The following CHODL variants were observed in gnomAD, a reference collection of about 807,000 sequenced individuals.
CHODL encodes the protein transmembrane protein MT75.
Under a neutral mutation model 34.5 loss-of-function variants are expected in CHODL, and 29 were observed. The observed-to-expected ratio is 0.84, with a 90% confidence interval of 0.63 to 1.15. The LOEUF (loss-of-function observed/expected upper bound fraction) is 1.15. Among genes scored for constraint, CHODL ranks in the 50% most tolerant of loss-of-function variants. The pLI is 0.00. For missense variants in CHODL, 332 were observed against 332.5 expected, an observed-to-expected ratio of 1.00 and a Z score of 0.01; for synonymous variants, 125 against 116.1, an observed-to-expected ratio of 1.08 and a Z score of -0.49.
chr21:18,262,405 A>G (rs1479288954), intron 4 of CHODL, among the ~76,000 whole-genome samples: 2 of 152,196 alleles, frequency 1.3e-5, no homozygotes, highest in African/African-American at 4.8e-5. Context: ...TATTACTTCT[A>G]GGCTACAAAC....
intron 2 of CHODL, among the ~76,000 whole-genome samples, chr21:18,155,832 T>C (rs17002409): frequency 0.03 from 4,495 of 152,254 alleles, 216 homozygotes; most frequent in African/African-American, 0.1. Flanking sequence ...TTAATTCTAG[T>C]CTTTTGCAGT....
chr21:18,003,053 G>A (rs1204354544), intron 1 of CHODL, among the ~76,000 whole-genome samples: 3 of 151,494 alleles, frequency 2.0e-5, no homozygotes, highest in Non-Finnish European at 2.9e-5. Flanking sequence ...AACCCCGGGG[G>A]GCGGAGTGTG....
rs150956168 is a variant in CHODL at position 18,158,404 on chromosome 21, A to G, written c.-44-98105A>G. 9.8e-3 allele frequency among the ~76,000 whole-genome samples: 1,495 copies of G among 152,334 alleles called. 12 individuals are homozygous for G. Among genetic ancestry groups the G allele is most frequent in the Non-Finnish European group, 0.016 (1,099 of 68,028 alleles). On this transcript the variant is annotated intron_variant, in intron 2 of 6. Transcript: ENST00000400127. Reference sequence around the variant, plus strand: ...TTGATGTTGCTTTGCGAGGTGTAACACAGAAGCATAGATTATTCAAAAGAC... The same window carrying G: ...TTGATGTTGCTTTGCGAGGTGTAACGCAGAAGCATAGATTATTCAAAAGAC...
At chr21:18,084,919 TAGTGTGTGTGTGTGTG>T (rs1292378568) in intron 2 of CHODL, among the ~76,000 whole-genome samples, 3 of 128,210 alleles carry the variant, frequency 2.3e-5, no homozygotes, top group Non-Finnish European at 4.6e-5. Flanking sequence ...GGTCTAGTAA[TAGTGTGTGTGTGTGTG>T]TGTGTGTGTG....
intron 2 of CHODL, among the ~76,000 whole-genome samples, chr21:18,236,709 T>C (rs2074031835): frequency 6.6e-6 from 1 of 152,128 alleles, no homozygotes; most frequent in Non-Finnish European, 1.5e-5. Flanking sequence ...CTGTAAAATA[T>C]TTTAAATCTC....
chr21:18,098,623 G>T (rs2065170551), intron 2 of CHODL, among the ~76,000 whole-genome samples: 1 of 152,096 alleles, frequency 6.6e-6, no homozygotes, highest in Non-Finnish European at 1.5e-5. Flanking sequence ...TATACTGTTG[G>T]TGGCAATGTA....
rs148898984 is a variant in CHODL at position 18,029,830 on chromosome 21, T to C, written c.-45+1859T>C. Among the ~76,000 whole-genome samples the C allele has an allele frequency of 2.4e-4, 36 of 152,242 alleles. 1 individual carries two copies. The East Asian group carries it at 6.2e-3, about 26-fold the overall frequency. On this transcript the variant is annotated intron_variant, in intron 2 of 6. Coordinates refer to the CHODL transcript ENST00000400127. ...AAGATTTTCAAGTTAGTGGGAACTATGGAGTAAAGTCCAGGCGTGCAGTAG... is the reference window on the plus strand; with the variant it reads ...AAGATTTTCAAGTTAGTGGGAACTACGGAGTAAAGTCCAGGCGTGCAGTAG...
chr21:17,953,852 A>G (rs1224310907), intron 1 of CHODL, among the ~76,000 whole-genome samples: 2 of 152,008 alleles, frequency 1.3e-5, no homozygotes, highest in African/African-American at 2.4e-5. Flanking sequence ...TCTACTAAAA[A>G]TACAAACATT....
chr21:18,251,358 TC>T (rs1180714989), intron 1 of CHODL, among the ~76,000 whole-genome samples: 1 of 148,124 alleles, frequency 6.8e-6, no homozygotes, highest in Non-Finnish European at 1.5e-5. Context: ...GATGAATATT[TC>T]TTTTATATAA....
At chr21:18,042,329 C>T (rs1344183282) in intron 2 of CHODL, among the ~76,000 whole-genome samples, 1 of 151,868 alleles carries the variant, frequency 6.6e-6, no homozygotes, top group Non-Finnish European at 1.5e-5. Flanking sequence ...TGAGATGGCC[C>T]CATTTTGGGG....
intron 2 of CHODL, among the ~76,000 whole-genome samples, chr21:18,065,263 A>G (rs2064717538): frequency 6.6e-6 from 1 of 152,226 alleles, no homozygotes; most frequent in African/African-American, 2.4e-5. Context: ...TAGGCATTAT[A>G]AGGTACTATA....
intron 2 of CHODL, among the ~76,000 whole-genome samples, chr21:18,162,443 TTCTCTC>T (rs1439390698): frequency 1.3e-5 from 2 of 148,264 alleles, no homozygotes; most frequent in African/African-American, 5.1e-5. Context: ...CTCTTTCTCT[TTCTCTC>T]TCTCTCTCTG....
chr21:18,009,575 A>C (rs1056039853), intron 1 of CHODL, among the ~76,000 whole-genome samples: 7 of 152,202 alleles, frequency 4.6e-5, no homozygotes, highest in African/African-American at 1.4e-4. Context: ...TTAATGCTAT[A>C]CAACCTAATT....
intron 2 of CHODL, among the ~76,000 whole-genome samples, chr21:18,039,544 A>G (rs1199528587): frequency 2.0e-5 from 3 of 151,710 alleles, no homozygotes; most frequent in Non-Finnish European, 4.4e-5. Context: ...GAACACTTTT[A>G]TATTGTTTTC....
At chr21:17,923,499 T>C (rs904961404) in intron 1 of CHODL, among the ~76,000 whole-genome samples, 1 of 151,532 alleles carries the variant, frequency 6.6e-6, no homozygotes, top group Non-Finnish European at 1.5e-5. Flanking sequence ...TCTCGCATTG[T>C]TGCCCAGGCT....
At chr21:18,107,139 T>C (rs1225409233) in intron 2 of CHODL, among the ~76,000 whole-genome samples, 1 of 152,230 alleles carries the variant, frequency 6.6e-6, no homozygotes, top group Non-Finnish European at 1.5e-5. Flanking sequence ...GAGTTCTTTA[T>C]ATTTCCTTTT....
chr21:18,136,523 T>G (rs2072730718), intron 2 of CHODL, among the ~76,000 whole-genome samples: 1 of 152,092 alleles, frequency 6.6e-6, no homozygotes, highest in South Asian at 2.1e-4. Context: ...GAGGCACCAC[T>G]GAGTGTTTTA....
At chr21:18,087,194 C>T (rs948102326) in intron 2 of CHODL, among the ~76,000 whole-genome samples, 1 of 152,158 alleles carries the variant, frequency 6.6e-6, no homozygotes, top group Non-Finnish European at 1.5e-5. Flanking sequence ...GGGCCCCACA[C>T]TCAGGTGAGC....
At position 18,145,435 on chromosome 21, in the gene CHODL, C is replaced by CAAAAAA. The variant is rs10671177; in HGVS notation, c.-44-111057_-44-111052dup. On this transcript the variant is annotated intron_variant, in intron 2 of 6. Transcript: ENST00000400127. ...CTAGGGGACGAGTGAGACTACCTTT[C>CAAAAAA]AAAAAAAAAAAAAAAAAAAAAAGCG... 3.0e-4 allele frequency among the ~76,000 whole-genome samples: 18 copies of CAAAAAA among 60,884 alleles called. 8 individuals carry two copies. Among genetic ancestry groups the CAAAAAA allele is most frequent in the African/African-American group, 3.7e-4 (7 of 18,940 alleles). 39.9% of individuals were successfully genotyped at this position (60,884 alleles called of 152,430 possible). A position where few individuals can be genotyped will look rare whatever the true frequency, so the allele number is the denominator to read the frequency against.
Sources: gnomAD v4.1 joint callset for allele counts (sites outside exome capture counted in the v4.1 genomes callset) on GRCh38, gnomAD v4.1.1 for gene constraint, MANE v1.5 for transcripts, NCBI Gene and HGNC (gene_info 2026-07-23, HGNC 2026-07-21) for gene names.